The following LIMD1 variants were observed in gnomAD, a reference collection of about 807,000 sequenced individuals.
LIMD1 encodes the protein LIM domain containing 1.
In LIMD1, 23 loss-of-function variants were observed where a neutral mutation model predicts 58.4. That is an observed-to-expected ratio of 0.39 (90% CI 0.28 to 0.56). LIMD1 has a LOEUF of 0.56. Ranked by LOEUF, LIMD1 falls within the 20% of genes least tolerant of loss-of-function variation. LIMD1 has a pLI of 0.57. For missense variants in LIMD1, 838 were observed against 855.5 expected (o/e 0.98, Z 0.25); for synonymous variants, 334 against 345.5 (o/e 0.97, Z 0.37).
At chr3:45,611,722 G>T (rs1408239322) in intron 1 of LIMD1, among the ~76,000 whole-genome samples, 1 of 152,224 alleles carries the variant, frequency 6.6e-6, no homozygotes, top group African/African-American at 2.4e-5. Context: ...AGGCCTGTTT[G>T]TCTGAGGCTT....
chr3:45,595,204 G>A lies in LIMD1; in HGVS notation c.325G>A (p.Ala109Thr), dbSNP rs74843221. The A allele has an allele frequency of 4.2e-4, 676 of 1,601,994 alleles. 3 individuals carry two copies. In the African/African-American group the frequency reaches 8.3e-3, roughly 20 times the overall value. Reference protein sequence around the residue: ...VDGAAKPPLAASTGAPGAVTT... With the variant: ...VDGAAKPPLATSTGAPGAVTT... ...TGGTGCTGCCAAGCCTCCTCTTGCT[G>A]CCTCGACAGGGGCACCTGGGGCAGT... The change falls in exon 1 of 8, where the codon GCC becomes ACC. Residue 109 changes from alanine to threonine, a missense_variant. Ala to Thr is a moderately conservative substitution (Grantham distance 58). This residue lies in a region of LIMD1 where 659 missense variants were observed against 639.8 expected (regional missense o/e 1.03). Coordinates refer to ENST00000273317, the MANE Select transcript of LIMD1 (RefSeq NM_014240.3).
chr3:45,676,794 T>C, intron 7 of LIMD1, 128 bp from the exon 8 acceptor site: 1 of 887,044 alleles, frequency 1.1e-6, no homozygotes. Context: ...GCTGTGTTTC[T>C]GCACTGGCAT....
intron 2 of LIMD1, among the ~76,000 whole-genome samples, chr3:45,644,867 G>A (rs574772289): frequency 6.6e-6 from 1 of 152,322 alleles, no homozygotes; most frequent in East Asian, 1.9e-4. Context: ...GTGAGTGCAG[G>A]AGAGTGGCCT....
intron 1 of LIMD1, among the ~76,000 whole-genome samples, chr3:45,601,058 T>C (rs1701407122): frequency 6.6e-6 from 1 of 152,194 alleles, no homozygotes; most frequent in Non-Finnish European, 1.5e-5. Flanking sequence ...AGGGAGACCC[T>C]GTCTCAAAAC....
At position 45,595,803 on chromosome 3, in the gene LIMD1, A is replaced by G. The variant is rs1056233095; in HGVS notation, c.924A>G (p.Gln308=). 3 of 1,614,004 alleles carry G rather than the reference A, an allele frequency of 1.9e-6. No individual in the cohort carries two copies. The highest frequency in any genetic ancestry group is 1.7e-5 in the Admixed American group (1 of 60,014). Residue 308 remains glutamine, a synonymous_variant, in exon 1 of 8, where the codon CAA becomes CAG. Coordinates refer to ENST00000273317, the MANE Select transcript of LIMD1 (RefSeq NM_014240.3). ...CCTTGGCCCTGAGCTGCCCCAGGCA[A>G]GGAGGTCTTCCAAGATCAAACTCGG... ...SAPLALSCPR[Q]GGLPRSNSGL...
intron 1 of LIMD1, among the ~76,000 whole-genome samples, chr3:45,631,253 C>T (rs930075263): frequency 1.3e-5 from 2 of 151,260 alleles, no homozygotes; most frequent in Non-Finnish European, 2.9e-5. Context: ...TCTGTGAGTC[C>T]ATACTGATAT....
intron 3 of LIMD1, among the ~76,000 whole-genome samples, chr3:45,665,974 T>C (rs1357971094): frequency 1.3e-5 from 2 of 152,202 alleles, no homozygotes. Context: ...TCCACCACCC[T>C]GGACTCCTCC....
At chr3:45,652,670 T>C (rs1701987122) in intron 2 of LIMD1, among the ~76,000 whole-genome samples, 1 of 152,228 alleles carries the variant, frequency 6.6e-6, no homozygotes, top group Non-Finnish European at 1.5e-5. Flanking sequence ...TTCTCAGGGC[T>C]GGTGGGAATA....
At chr3:45,596,317 G>C in intron 1 of LIMD1, 30 bp downstream of exon 1, 2 of 1,534,880 alleles carry the variant, frequency 1.3e-6, no homozygotes, top group Non-Finnish European at 8.8e-7. Context: ...AGTTGCCTAT[G>C]GTGGGGCGAT....
rs74800704 is a variant in LIMD1 at position 45,683,081 on chromosome 3, G to A, written c.*6022G>A. 3,860 of 152,256 alleles carry A rather than the reference G, an allele frequency of 0.025. 158 individuals are homozygous for A. Among genetic ancestry groups the A allele is most frequent in the African/African-American group, 0.088 (3,649 of 41,508 alleles). The allele number at this position is 152,256 out of a possible 1,614,324, so 9.4% of individuals were successfully genotyped here. ...GCTTCTATTGTCACACCTCCTCTCT[G>A]ACCCTCCCTGCCTCCTTGTAAGGAC... On this transcript the variant is annotated 3_prime_UTR_variant, in exon 8 of 8. Coordinates refer to ENST00000273317, the MANE Select transcript of LIMD1 (RefSeq NM_014240.3).
chr3:45,645,271 G>C (rs989651175), intron 2 of LIMD1, among the ~76,000 whole-genome samples: 2 of 152,176 alleles, frequency 1.3e-5, no homozygotes, highest in African/African-American at 4.8e-5. Flanking sequence ...GGCCAAACCT[G>C]GTTTCCCAGG....
chr3:45,635,866 G>A (rs1701781902), intron 1 of LIMD1: 2 of 984,916 alleles, frequency 2.0e-6, no homozygotes, highest in Non-Finnish European at 2.4e-6. Flanking sequence ...AAAGCTTTGG[G>A]TGGGGTGAGG....
chr3:45,613,947 A>T (rs2125651858), intron 1 of LIMD1, among the ~76,000 whole-genome samples: 1 of 152,202 alleles, frequency 6.6e-6, no homozygotes, highest in South Asian at 2.1e-4. Flanking sequence ...TAGCATTCCC[A>T]CAGCAGTGTG....
intron 2 of LIMD1, among the ~76,000 whole-genome samples, chr3:45,653,880 A>G (rs531808153): frequency 7.2e-6 from 1 of 138,968 alleles, no homozygotes; most frequent in South Asian, 2.5e-4. Context: ...ACTGCACTCC[A>G]GCCTGAGTGA....
intron 2 of LIMD1, among the ~76,000 whole-genome samples, chr3:45,646,254 T>C (rs1374518470): frequency 6.6e-6 from 1 of 152,220 alleles, no homozygotes; most frequent in African/African-American, 2.4e-5. Flanking sequence ...CTTGCCACCA[T>C]ATCCATGGCC....
intron 1 of LIMD1, among the ~76,000 whole-genome samples, chr3:45,612,088 TC>T (rs1701530911): frequency 6.6e-5 from 10 of 151,862 alleles, no homozygotes; most frequent in Admixed American, 5.9e-4. Context: ...TCTCTCTCTC[TC>T]TCTCTCTCTC....
In LIMD1 at chr3:45,684,694, A is replaced by G. The variant is rs950887528; in HGVS notation, c.*7635A>G. ...GGTGTGCCATTTACATAGCCCTCGA[A>G]GAAACTGGCCATTCCACCTTGATCT... On this transcript the variant is annotated 3_prime_UTR_variant, in exon 8 of 8. Transcript: ENST00000273317. 6.6e-6 allele frequency: 1 copy of G among 152,218 alleles called. No individual in the cohort carries two copies. The highest frequency in any genetic ancestry group is 6.5e-5 in the Admixed American group (1 of 15,286). The allele number at this position is 152,218 out of a possible 1,614,324, so 9.4% of individuals were successfully genotyped here.
chr3:45,600,385 G>C (rs1455497407), intron 1 of LIMD1, among the ~76,000 whole-genome samples: 1 of 152,184 alleles, frequency 6.6e-6, no homozygotes, highest in African/African-American at 2.4e-5. Flanking sequence ...AAGATGCCCA[G>C]TTTCCAGTTA....
chr3:45,639,223 A>G (rs374140206), intron 2 of LIMD1, among the ~76,000 whole-genome samples: 1 of 152,198 alleles, frequency 6.6e-6, no homozygotes, highest in South Asian at 2.1e-4. Context: ...TTTGTTTACA[A>G]TTTATCTTTG....
Sources: gnomAD v4.1 joint callset for allele counts (sites outside exome capture counted in the v4.1 genomes callset) on GRCh38, gnomAD v4.1.1 for gene constraint, gnomAD v4.1.1 regional missense constraint, MANE v1.5 for transcripts, NCBI Gene and HGNC (gene_info 2026-07-23, HGNC 2026-07-21) for gene names.